VRK2: variants seen among roughly 807,000 people sequenced by gnomAD.
VRK2 encodes serine/threonine-protein kinase VRK2.
VRK2 carries 60 observed loss-of-function variants against 57.6 expected under a neutral mutation model. The ratio of observed to expected loss-of-function variants is 1.04; its 90% CI spans 0.85 to 1.29. The LOEUF (loss-of-function observed/expected upper bound fraction) is 1.29, where lower values mean the gene tolerates loss of function less well. Ranked by LOEUF, VRK2 falls within the 50% of genes most tolerant of loss-of-function variation. The probability of loss-of-function intolerance (pLI) is 0.00; values close to 1 mark genes in which losing one functional copy is unlikely to be tolerated. For missense variants in VRK2, 705 were observed against 588.1 expected (o/e 1.20, Z -2.06); for synonymous variants, 231 against 199.2 (o/e 1.16, Z -1.35).
At chr2:58,011,779 C>G (rs1428367435) in intron 1 of VRK2, among the ~76,000 whole-genome samples, 1 of 152,118 alleles carries the variant, frequency 6.6e-6, no homozygotes, top group African/African-American at 2.4e-5. Flanking sequence ...TCTAGAGATT[C>G]TCATTGTTAT....
chr2:57,935,434 AG>A (rs1670873580), intron 1 of VRK2, among the ~76,000 whole-genome samples: 1 of 152,022 alleles, frequency 6.6e-6, no homozygotes, highest in Non-Finnish European at 1.5e-5. Flanking sequence ...GAAATCCTGA[AG>A]TTTTTAGGCC....
At chr2:57,980,761 T>C (rs922994819) in intron 1 of VRK2, among the ~76,000 whole-genome samples, 3 of 152,232 alleles carry the variant, frequency 2.0e-5, no homozygotes, top group Non-Finnish European at 4.4e-5. Flanking sequence ...TCTTGTTTAA[T>C]TGAACCCTTT....
chr2:57,969,240 T>C (rs1412940847), intron 1 of VRK2, among the ~76,000 whole-genome samples: 1 of 152,042 alleles, frequency 6.6e-6, no homozygotes, highest in Non-Finnish European at 1.5e-5. Context: ...GGATGGATAA[T>C]GTATTGGGAA....
intron 8 of VRK2, among the ~76,000 whole-genome samples, chr2:58,125,977 C>A (rs1343097731): frequency 6.6e-6 from 1 of 151,788 alleles, no homozygotes; most frequent in Non-Finnish European, 1.5e-5. Context: ...ATCTAGAAAC[C>A]AGAATAAACA....
rs78660947 is a variant in VRK2, at chr2:58,123,106, T to C, written c.549T>C (p.Tyr183=). The change falls in exon 8 of 13, where the codon TAT becomes TAC. Residue 183 remains tyrosine, a synonymous_variant. Coordinates refer to ENST00000340157, the MANE Select transcript of VRK2 (RefSeq NM_006296.7). ...TGTCTGTGCTTGTCTTCCAGGTTTATCTTGCAGATTATGGACTTTCCTACA... is the reference window on the plus strand; with the variant it reads ...TGTCTGTGCTTGTCTTCCAGGTTTACCTTGCAGATTATGGACTTTCCTACA... The part of the protein sequence containing the change: ...LLGYKNPDQV[Y]LADYGLSYRY... 18 of 1,598,920 alleles carry C rather than the reference T, an allele frequency of 1.1e-5. No homozygotes were observed. In the East Asian group the frequency reaches 4.1e-4, roughly 36 times the overall value.
chr2:58,091,001 G>T (rs1393006832), intron 7 of VRK2, among the ~76,000 whole-genome samples: 1 of 152,136 alleles, frequency 6.6e-6, no homozygotes, highest in East Asian at 1.9e-4. Context: ...TCTGGAAAAG[G>T]CAAAACTATA....
At chr2:58,014,944 C>A (rs963475121) in intron 1 of VRK2, among the ~76,000 whole-genome samples, 1 of 152,048 alleles carries the variant, frequency 6.6e-6, no homozygotes, top group Non-Finnish European at 1.5e-5. Flanking sequence ...TCTGCTAACA[C>A]CTTGATTTTC....
chr2:58,069,363 G>A (rs546291103), intron 2 of VRK2, among the ~76,000 whole-genome samples: 37 of 152,232 alleles, frequency 2.4e-4, no homozygotes, highest in South Asian at 2.1e-4. Context: ...TTAGCTCCAC[G>A]TATACACAGC....
intron 1 of VRK2, among the ~76,000 whole-genome samples, chr2:57,957,426 A>G (rs1558512068): frequency 6.6e-6 from 1 of 152,076 alleles, no homozygotes; most frequent in East Asian, 1.9e-4. Context: ...ATAACTTGTA[A>G]CATGTAAAAA....
At chr2:57,970,734 C>A (rs974651688) in intron 1 of VRK2, among the ~76,000 whole-genome samples, 1 of 151,770 alleles carries the variant, frequency 6.6e-6, no homozygotes, top group African/African-American at 2.4e-5. Flanking sequence ...CAAAATAAAT[C>A]TATGTAAACC....
chr2:58,159,090 ATTAC>A (rs972169660), intron 12 of VRK2, among the ~76,000 whole-genome samples: 15 of 152,274 alleles, frequency 9.9e-5, no homozygotes, highest in Admixed American at 9.8e-4. Flanking sequence ...TAGATTATAA[ATTAC>A]TTAAGAGATG....
intron 12 of VRK2, among the ~76,000 whole-genome samples, chr2:58,156,052 T>C (rs1336344510): frequency 6.6e-6 from 1 of 151,914 alleles, no homozygotes; most frequent in Non-Finnish European, 1.5e-5. Context: ...ATTTTTAGAA[T>C]TTTCAGTGTT....
At chr2:58,072,927 T>C (rs1669560446) in intron 2 of VRK2, among the ~76,000 whole-genome samples, 1 of 152,078 alleles carries the variant, frequency 6.6e-6, no homozygotes, top group African/African-American at 2.4e-5. Context: ...TAATTTATTT[T>C]AGATCTTTCT....
intron 3 of VRK2, among the ~76,000 whole-genome samples, chr2:58,084,653 G>C (rs565978716): frequency 6.6e-6 from 1 of 151,994 alleles, no homozygotes; most frequent in Non-Finnish European, 1.5e-5. Flanking sequence ...TTATGTGTAA[G>C]ACTGTATAGG....
chr2:57,975,438 A>G (rs891830007), intron 1 of VRK2, among the ~76,000 whole-genome samples: 2 of 152,010 alleles, frequency 1.3e-5, no homozygotes, highest in Admixed American at 1.3e-4. Flanking sequence ...AAATAACACA[A>G]ATGTATTATC....
At chr2:58,064,737 A>G (rs920131343) in intron 2 of VRK2, among the ~76,000 whole-genome samples, 11 of 152,174 alleles carry the variant, frequency 7.2e-5, no homozygotes, top group African/African-American at 2.4e-4. Flanking sequence ...ATAATAAGTT[A>G]TAAAGTGAAA....
At position 57,982,121 on chromosome 2, in the gene VRK2, A is replaced by G. The variant is rs187490271; in HGVS notation, c.-438-43544A>G. Reference sequence around the variant, plus strand: ...CTGTGGTATAAGTTGGATTTAGTCAATTGGCTTCATTCTGGATGCTTTCAG... The same window carrying G: ...CTGTGGTATAAGTTGGATTTAGTCAGTTGGCTTCATTCTGGATGCTTTCAG... On this transcript the variant is annotated intron_variant, in intron 1 of 15. Coordinates refer to the VRK2 transcript ENST00000417641. Among the ~76,000 whole-genome samples the G allele has an allele frequency of 5.3e-5, 8 of 152,248 alleles. No homozygotes were observed. In the East Asian group the frequency reaches 1.4e-3, roughly 26 times the overall value.
chr2:57,988,012 T>C (rs1239942428), intron 1 of VRK2, among the ~76,000 whole-genome samples: 2 of 152,156 alleles, frequency 1.3e-5, no homozygotes, highest in African/African-American at 4.8e-5. Context: ...GGAGGAAAGA[T>C]TGACCACAAA....
chr2:58,068,801 AC>A (rs1280839023), intron 2 of VRK2, among the ~76,000 whole-genome samples: 26 of 96,816 alleles, frequency 2.7e-4, no homozygotes, highest in African/African-American at 1.1e-3. Flanking sequence ...ATTGTATTGC[AC>A]CCCCTCAGGA....
Sources: gnomAD v4.1 joint callset for allele counts (sites outside exome capture counted in the v4.1 genomes callset) on GRCh38, gnomAD v4.1.1 for gene constraint, MANE v1.5 for transcripts, NCBI Gene and HGNC (gene_info 2026-07-23, HGNC 2026-07-21) for gene names.